Variants in DIP2C observed in about 807,000 individuals in gnomAD.
DIP2C encodes the protein disco-interacting protein 2 homolog C.
DIP2C carries 33 observed loss-of-function variants against 192.4 expected under a neutral mutation model. That is an observed-to-expected ratio of 0.17 (90% CI 0.13 to 0.23). DIP2C has a LOEUF of 0.23. DIP2C is among the 10% of genes least tolerant of loss of function. The pLI is 1.00. For missense variants in DIP2C, 1,537 were observed against 2,110.1 expected, an observed-to-expected ratio of 0.73 and a Z score of 5.32; for synonymous variants, 979 against 864.1, an observed-to-expected ratio of 1.13 and a Z score of -2.33.
At chr10:367,148 T>A (rs936068248) in intron 18 of DIP2C, among the ~76,000 whole-genome samples, 1 of 152,216 alleles carries the variant, frequency 6.6e-6, no homozygotes, top group Non-Finnish European at 1.5e-5. Context: ...CCGGACGCGG[T>A]GGCTCACGCC....
At chr10:443,055 C>A (rs549188832) in intron 3 of DIP2C, among the ~76,000 whole-genome samples, 3 of 152,128 alleles carry the variant, frequency 2.0e-5, no homozygotes, top group South Asian at 4.1e-4. Flanking sequence ...GCAGGGATAC[C>A]GCAGAAGTCT....
chr10:496,201 A>G (rs574183832), intron 1 of DIP2C, among the ~76,000 whole-genome samples: 9 of 144,290 alleles, frequency 6.2e-5, no homozygotes, highest in Non-Finnish European at 1.3e-4. Context: ...TTAAATCTCT[A>G]CATTACTCTT....
chr10:323,831 G>A (rs1381817149), intron 31 of DIP2C, among the ~76,000 whole-genome samples: 1 of 152,170 alleles, frequency 6.6e-6, no homozygotes, highest in Non-Finnish European at 1.5e-5. Flanking sequence ...TAATGTACCA[G>A]GCATGTCCTG....
intron 5 of DIP2C, among the ~76,000 whole-genome samples, chr10:421,016 T>C (rs1018669515): frequency 6.6e-6 from 1 of 152,264 alleles, no homozygotes; most frequent in Admixed American, 6.5e-5. Flanking sequence ...AGTGCAAATC[T>C]GACTTTTTAC....
At chr10:419,350 A>T (rs1349973666) in intron 5 of DIP2C, 151 bp from the exon 6 acceptor site, 1 of 1,108,584 alleles carries the variant, frequency 9.0e-7, no homozygotes, top group African/African-American at 1.5e-5. Flanking sequence ...CATCTGCCAC[A>T]CACATCCAGC....
chr10:335,527 G>C (rs1273241844), intron 29 of DIP2C, among the ~76,000 whole-genome samples: 1 of 152,196 alleles, frequency 6.6e-6, no homozygotes, highest in Non-Finnish European at 1.5e-5. Flanking sequence ...CCCAGAGCGA[G>C]TTTCTGGATG....
At chr10:431,096 G>T (rs1199755490) in intron 4 of DIP2C, among the ~76,000 whole-genome samples, 1 of 152,220 alleles carries the variant, frequency 6.6e-6, no homozygotes, top group Non-Finnish European at 1.5e-5. Flanking sequence ...ATACCACACT[G>T]TCTGGATTAT....
intron 24 of DIP2C, among the ~76,000 whole-genome samples, chr10:353,481 C>T (rs936452505): frequency 5.3e-5 from 8 of 152,092 alleles, no homozygotes; most frequent in African/African-American, 1.5e-4. Flanking sequence ...CTCTGCTTCC[C>T]GGGTTCAAGC....
chr10:362,478 T>C lies in DIP2C; in HGVS notation c.2794+12A>G. The C allele has an allele frequency of 6.2e-7, 1 of 1,612,622 alleles. No individual in the cohort carries two copies. The highest frequency in any genetic ancestry group is 8.5e-7 in the Non-Finnish European group (1 of 1,179,488). ...TCCCGCACCTCACAAGCTGCCCAAG[T>C]GGTGCACATACCTGGCTGCTTCTGT... On this transcript the variant is annotated intron_variant, in intron 22 of 36. Coordinates refer to ENST00000280886, the MANE Select transcript of DIP2C (RefSeq NM_014974.3).
At chr10:290,965 A>G (rs1373534122) in intron 32 of DIP2C, among the ~76,000 whole-genome samples, 1 of 152,228 alleles carries the variant, frequency 6.6e-6, no homozygotes, top group Admixed American at 6.5e-5. Flanking sequence ...TCACTCAGGA[A>G]ACAAGGCTCT....
At chr10:536,273 A>AAGGACACCAGCCATTGGGAC (rs1305458751) in intron 1 of DIP2C, among the ~76,000 whole-genome samples, 1 of 152,144 alleles carries the variant, frequency 6.6e-6, no homozygotes, top group Admixed American at 6.5e-5. Context: ...TTTCCTCTCC[A>AAGGACACCAGCCATTGGGAC]AGGACACCAG....
chr10:647,415 C>G (rs1855516802), intron 1 of DIP2C, among the ~76,000 whole-genome samples: 1 of 151,044 alleles, frequency 6.6e-6, no homozygotes, highest in Admixed American at 6.6e-5. Flanking sequence ...TGGGAGAGAA[C>G]AGAGCGAAAT....
At chr10:670,632 T>C (rs1213979079) in intron 1 of DIP2C, among the ~76,000 whole-genome samples, 1 of 152,216 alleles carries the variant, frequency 6.6e-6, no homozygotes, top group Non-Finnish European at 1.5e-5. Flanking sequence ...ACAGAAAATA[T>C]AATACTTGTT....
intron 26 of DIP2C, 171 bp from the exon 27 acceptor site, chr10:345,281 T>G: frequency 2.7e-6 from 2 of 729,784 alleles, no homozygotes; most frequent in Non-Finnish European, 4.8e-6. Flanking sequence ...AGGAGTCTAG[T>G]TGTGGAGGCA....
At chr10:541,926 C>T (rs1488972660) in intron 1 of DIP2C, among the ~76,000 whole-genome samples, 5 of 152,006 alleles carry the variant, frequency 3.3e-5, no homozygotes, top group African/African-American at 7.3e-5. Context: ...ACCAACAATC[C>T]GCTGTGTGCC....
At chr10:574,981 C>A (rs773839865) in intron 1 of DIP2C, among the ~76,000 whole-genome samples, 6 of 152,100 alleles carry the variant, frequency 3.9e-5, no homozygotes, top group Non-Finnish European at 8.8e-5. Flanking sequence ...ACTGCTCTGC[C>A]CACGAGACAG....
chr10:423,851 C>G (rs1014256707), intron 4 of DIP2C, among the ~76,000 whole-genome samples: 1 of 152,192 alleles, frequency 6.6e-6, no homozygotes, highest in African/African-American at 2.4e-5. Context: ...CCGGGGCACA[C>G]GACAAACCTT....
intron 10 of DIP2C, among the ~76,000 whole-genome samples, chr10:397,615 T>C (rs1269545822): frequency 1.3e-5 from 2 of 151,664 alleles, no homozygotes; most frequent in Non-Finnish European, 2.9e-5. Context: ...GGGCAGTCCC[T>C]TGGGGCGCGT....
At chr10:607,556 T>C (rs1720982616) in intron 1 of DIP2C, among the ~76,000 whole-genome samples, 1 of 152,220 alleles carries the variant, frequency 6.6e-6, no homozygotes, top group African/African-American at 2.4e-5. Flanking sequence ...TAAACTGTTC[T>C]GATAAACCCA....
Sources: gnomAD v4.1 joint callset for allele counts (sites outside exome capture counted in the v4.1 genomes callset) on GRCh38, gnomAD v4.1.1 for gene constraint, MANE v1.5 for transcripts, NCBI Gene and HGNC (gene_info 2026-07-23, HGNC 2026-07-21) for gene names.